Variants in MTERF4 observed in about 807,000 individuals in gnomAD.
The protein encoded by MTERF4 is mitochondrial transcription termination factor 4, also known as transcription termination factor 4, mitochondrial.
MTERF4 carries 17 observed loss-of-function variants against 22.5 expected under a neutral mutation model. The observed-to-expected ratio is 0.75, with a 90% CI of 0.52 to 1.13. The LOEUF is 1.13. MTERF4 is among the 50% of genes most tolerant of loss of function. The pLI is 0.00. For synonymous variants in MTERF4, 165 were observed against 175.3 expected, an observed-to-expected ratio of 0.94 and a Z score of 0.47; for missense variants, 420 against 466.8, an observed-to-expected ratio of 0.90 and a Z score of 0.92.
chr2:241,072,296 C>A, exon 5 of MTERF4: 1 of 448,056 alleles, frequency 2.2e-6, no homozygotes, highest in South Asian at 1.6e-5. Flanking sequence ...CCGCCACTGT[C>A]CTGGCAAGAT....
chr2:241,102,231 C>G, intron 1 of MTERF4, 22 bp downstream of exon 1: 2 of 1,548,778 alleles, frequency 1.3e-6, no homozygotes, highest in South Asian at 1.2e-5. Flanking sequence ...CGGAGAAGCC[C>G]GCGCGCCCAG....
the MTERF4 span, among the ~76,000 whole-genome samples, chr2:241,066,670 A>G: frequency 3.3e-5 from 5 of 152,146 alleles, no homozygotes; most frequent in African/African-American, 1.2e-4. Context: ...AGGGAGGCCT[A>G]AGCATCCAGC....
chr2:241,073,496 C>A lies in MTERF4; in HGVS notation n.2666G>T. ...AGAGCCTACCTGAGGGGAGGCTGAGCACCAGGCACCCCGGTGTGGGAAGAT... is the reference window on the plus strand; with the variant it reads ...AGAGCCTACCTGAGGGGAGGCTGAGAACCAGGCACCCCGGTGTGGGAAGAT... On this transcript the variant is annotated non_coding_transcript_exon_variant, in exon 5 of 5. Transcript: ENST00000464344. The surrounding 1 kb of genome is among the most constrained non-coding windows in gnomAD (Gnocchi z 6.6). 1 of 742,598 alleles carries A rather than the reference C, an allele frequency of 1.3e-6. No individual in the cohort carries two copies. The allele number at this position is 742,598 out of a possible 1,614,324, so 46.0% of individuals were successfully genotyped here.
At chr2:241,097,777 G>A (rs146111216) in intron 2 of MTERF4, among the ~76,000 whole-genome samples, 1 of 152,178 alleles carries the variant, frequency 6.6e-6, no homozygotes, top group African/African-American at 2.4e-5. Flanking sequence ...AGAGTAATAT[G>A]GGAGAGTAGT....
chr2:241,082,489 T>TG (rs1173274854), downstream of MTERF4: 2 of 669,930 alleles, frequency 3.0e-6, no homozygotes, highest in Non-Finnish European at 5.2e-6. Context: ...AGAAGGGACT[T>TG]GCTTTGACCA....
intron 2 of MTERF4, 82 bp from the exon 3 acceptor site, chr2:241,097,509 C>G (rs1241127448): frequency 5.9e-6 from 8 of 1,359,012 alleles, no homozygotes; most frequent in Non-Finnish European, 8.1e-6. Context: ...CAATTTAAGT[C>G]CACATTTAAA....
chr2:241,082,216 C>T, downstream of MTERF4: 2 of 1,408,114 alleles, frequency 1.4e-6, no homozygotes, highest in Non-Finnish European at 2.0e-6. Flanking sequence ...CAAGGCCTCT[C>T]AAGAGGGGCA....
In MTERF4 at chr2:241,073,204, C is replaced by A; in HGVS notation, n.2958G>T. 8.0e-7 allele frequency: 1 copy of A among 1,253,780 alleles called. No homozygotes were observed. The highest frequency in any genetic ancestry group is 2.2e-4 in the Middle Eastern group (1 of 4,502). The allele number at this position is 1,253,780 out of a possible 1,614,324, so 77.7% of individuals were successfully genotyped here. A position where few individuals can be genotyped will look rare whatever the true frequency, so the allele number is the denominator to read the frequency against. On this transcript the variant is annotated non_coding_transcript_exon_variant, in exon 5 of 5. Coordinates refer to the MTERF4 transcript ENST00000464344. This position sits in a 1 kb window ranked among gnomAD's most constrained non-coding sequence, Gnocchi z 6.6. ...GATATAGAAGCACTCAAAAGGGTGG[C>A]CCCAGGACCATCCCGGGTGCAAAGC... is the stretch of plus-strand genomic sequence containing the variant.
At position 241,075,151 on chromosome 2, in the gene MTERF4, T is replaced by G. The variant is rs530320957; in HGVS notation, n.1011A>C. Reference sequence around the variant, plus strand: ...AGTGAACTGACCGGCTCTTCTCCCCTCTCTGTGCAGAGAACATGTAGGTTG... The same window carrying G: ...AGTGAACTGACCGGCTCTTCTCCCCGCTCTGTGCAGAGAACATGTAGGTTG... On this transcript the variant is annotated non_coding_transcript_exon_variant, in exon 5 of 5. Transcript: ENST00000464344. This position sits in a 1 kb window ranked among gnomAD's most constrained non-coding sequence, Gnocchi z 4.8. 1 of 152,320 alleles carries G rather than the reference T, an allele frequency of 6.6e-6. No individual in the cohort carries two copies. Among genetic ancestry groups the G allele is most frequent in the South Asian group, 2.1e-4 (1 of 4,822 alleles). 9.4% of individuals were successfully genotyped at this position (152,320 alleles called of 1,614,324 possible). A position where few individuals can be genotyped will look rare whatever the true frequency, so the allele number is the denominator to read the frequency against.
At position 241,081,782 on chromosome 2, in the gene MTERF4, G is replaced by A. The variant is rs201185205; in HGVS notation, n.480-6100C>T. 436 of 1,589,154 alleles carry A rather than the reference G, an allele frequency of 2.7e-4. 1 individual carries two copies. The African/African-American group carries it at 4.5e-3, about 16-fold the overall frequency. On this transcript the variant is annotated intron_variant and non_coding_transcript_variant, in intron 4 of 4. Transcript: ENST00000464344. ...TGCGGGCCAGGGTTCAAAGGCAGAC[G>A]CTGCGAGCTCGGTAAGTCGGGGCTT...
At chr2:241,076,865 G>A (rs2063045902) in intron 4 of MTERF4, among the ~76,000 whole-genome samples, 1 of 152,244 alleles carries the variant, frequency 6.6e-6, no homozygotes, top group South Asian at 2.1e-4. Context: ...GCCGAGGCGG[G>A]CGGATCACCA....
At position 241,096,967 on chromosome 2, in the gene MTERF4, A is replaced by C. The variant is rs2064463196; in HGVS notation, c.705+276T>G. 1.7e-6 allele frequency: 1 copy of C among 585,878 alleles called. No homozygotes were observed. The highest frequency in any genetic ancestry group is 2.2e-5 in the South Asian group (1 of 45,582). 36.3% of individuals were successfully genotyped at this position (585,878 alleles called of 1,614,324 possible). On this transcript the variant is annotated intron_variant, in intron 3 of 3. Transcript: ENST00000391980. The surrounding 1 kb of genome is among the most constrained non-coding windows in gnomAD (Gnocchi z 5.1). The stretch of plus-strand genomic sequence containing the variant: ...GATCATTCATTATTAATGGCAGAAA[A>C]GTTGAAGAATAGGTTTGATCTGTAG...
downstream of MTERF4, chr2:241,072,037 G>C (rs527491680): frequency 2.7e-6 from 2 of 734,568 alleles, no homozygotes; most frequent in Admixed American, 4.0e-5. Context: ...CGCGGGGCTC[G>C]TGGGCCGCCG....
chr2:241,045,428 G>C, the MTERF4 span, among the ~76,000 whole-genome samples: 31 of 152,324 alleles, frequency 2.0e-4, 1 homozygote, highest in South Asian at 5.8e-3. Flanking sequence ...GATCAATTCA[G>C]TGTGATATTG....
At chr2:241,066,456 C>T in the MTERF4 span, among the ~76,000 whole-genome samples, 1,058 of 152,252 alleles carry the variant, frequency 6.9e-3, 57 homozygotes, top group East Asian at 0.1. Context: ...CAGGGGATCT[C>T]GGAACAGGCT....
chr2:241,087,626 G>A, downstream of MTERF4: 1 of 1,439,140 alleles, frequency 6.9e-7, no homozygotes, highest in Non-Finnish European at 9.1e-7. Flanking sequence ...GCCACGTTCT[G>A]CTACGAAACT....
chr2:241,090,175 T>C (rs982252038), downstream of MTERF4: 3 of 1,461,960 alleles, frequency 2.1e-6, no homozygotes, highest in Non-Finnish European at 2.7e-6. Context: ...AATTGTTTTC[T>C]GTCCTTAGTG....
downstream of MTERF4, chr2:241,067,981 T>C: frequency 6.4e-7 from 1 of 1,570,832 alleles, no homozygotes; most frequent in African/African-American, 1.4e-5. Flanking sequence ...GGGGCTGGGG[T>C]GAAGGCAGGG....
chr2:241,065,877 C>T, the MTERF4 span, among the ~76,000 whole-genome samples: 1 of 144,822 alleles, frequency 6.9e-6, no homozygotes, highest in Admixed American at 6.9e-5. Context: ...GGAAGTGGGA[C>T]TGGGGAGGAA....
Sources: gnomAD v4.1 joint callset for allele counts (sites outside exome capture counted in the v4.1 genomes callset) on GRCh38, gnomAD v4.1.1 for gene constraint, Gnocchi (gnomAD v3.1) non-coding constraint, MANE v1.5 for transcripts, NCBI Gene and HGNC (gene_info 2026-07-23, HGNC 2026-07-21) for gene names.